The following CAST variants were observed in gnomAD, a reference collection of about 807,000 sequenced individuals.
CAST encodes the protein MIR583 host.
In CAST, 76 loss-of-function variants were observed where a neutral mutation model predicts 119.6. The ratio of observed to expected loss-of-function variants is 0.64; its 90% confidence interval spans 0.53 to 0.77. CAST has a LOEUF of 0.77. Among genes scored for constraint, CAST ranks in the 30% least tolerant of loss-of-function variants. The pLI, the probability that CAST is intolerant of heterozygous loss-of-function variation, is 0.00. For synonymous variants in CAST, 319 were observed against 331.6 expected, an observed-to-expected ratio of 0.96 and a Z score of 0.41; for missense variants, 953 against 946.5, an observed-to-expected ratio of 1.01 and a Z score of -0.09.
rs144319312 is a variant in CAST, at chr5:96,577,289, T to A, written c.60+47409T>A. On this transcript the variant is annotated intron_variant, in intron 1 of 11. Coordinates refer to the CAST transcript ENST00000505143. ...CTTTCTGCCTTTTCATTTTTGTTAG[T>A]CTTGGTGGAGGTTTATCAATTTTAT... Among the ~76,000 whole-genome samples the A allele has an allele frequency of 4.4e-3, 664 of 152,294 alleles. 5 individuals carry two copies. Among genetic ancestry groups the A allele is most frequent in the African/African-American group, 0.015 (618 of 41,564 alleles).
the CAST span, among the ~76,000 whole-genome samples, chr5:96,072,170 G>A: frequency 1.3e-5 from 2 of 152,140 alleles, no homozygotes; most frequent in African/African-American, 2.4e-5. Context: ...GGTGGGGTAT[G>A]GAGCATTATA....
chr5:96,536,228 A>G (rs868635067), intron 1 of CAST, among the ~76,000 whole-genome samples: 1 of 151,990 alleles, frequency 6.6e-6, no homozygotes, highest in Middle Eastern at 3.4e-3. Context: ...GCGTGGTGAG[A>G]GACGCCTGTA....
intron 1 of CAST, among the ~76,000 whole-genome samples, chr5:96,622,894 C>A (rs7725913): frequency 1.4e-5 from 1 of 72,756 alleles, no homozygotes; most frequent in Non-Finnish European, 2.4e-5. Context: ...GACGGAGTCT[C>A]GCTCTGTCGC....
chr5:95,998,653 T>A, the CAST span, among the ~76,000 whole-genome samples: 1 of 152,214 alleles, frequency 6.6e-6, no homozygotes, highest in Non-Finnish European at 1.5e-5. Context: ...TATCTAATCC[T>A]GTATTGATAA....
the CAST span, among the ~76,000 whole-genome samples, chr5:96,508,229 T>C: frequency 1.3e-5 from 2 of 152,218 alleles, no homozygotes; most frequent in East Asian, 3.9e-4. Flanking sequence ...GAACGGACTT[T>C]GGAGCAAGCC....
rs182413698 is a variant in CAST, at chr5:96,760,151, C to T, written c.1834-2123C>T. Among the ~76,000 whole-genome samples, 29 of 151,994 alleles carry T rather than the reference C, an allele frequency of 1.9e-4. 1 individual carries two copies. In the East Asian group the frequency reaches 4.4e-3, roughly 23 times the overall value. ...TTCTATGAGTAATTATGGTGCTAAT[C>T]TTAAAATCTGACAAATATAACGGTA... is the stretch of plus-strand genomic sequence containing the variant. On this transcript the variant is annotated intron_variant, in intron 24 of 31. Transcript: ENST00000675179.
the CAST span, among the ~76,000 whole-genome samples, chr5:96,254,878 T>A: frequency 6.6e-6 from 1 of 152,158 alleles, no homozygotes; most frequent in African/African-American, 2.4e-5. Context: ...TATCCAGAGC[T>A]GGAATTTTAT....
At chr5:96,740,818 A>G in intron 13 of CAST, 35 bp downstream of exon 13, 6 of 1,427,682 alleles carry the variant, frequency 4.2e-6, no homozygotes, top group Non-Finnish European at 5.9e-6. Context: ...ATCTAAATTA[A>G]TAGTTTTATA....
chr5:96,388,324 C>A, the CAST span, among the ~76,000 whole-genome samples: 1 of 152,214 alleles, frequency 6.6e-6, no homozygotes, highest in African/African-American at 2.4e-5. Flanking sequence ...GGCTCTGCTT[C>A]GTGCTATGAG....
chr5:96,503,535 T>C, the CAST span, among the ~76,000 whole-genome samples: 2 of 152,164 alleles, frequency 1.3e-5, no homozygotes, highest in Non-Finnish European at 2.9e-5. Context: ...CTCTTTGCTA[T>C]CCACAAAGTC....
At chr5:95,971,168 A>T in the CAST span, among the ~76,000 whole-genome samples, 3 of 152,178 alleles carry the variant, frequency 2.0e-5, no homozygotes, top group Non-Finnish European at 4.4e-5. Context: ...TTTCCTAAAT[A>T]GATTCTGACT....
At chr5:96,034,889 A>G in the CAST span, among the ~76,000 whole-genome samples, 3 of 151,354 alleles carry the variant, frequency 2.0e-5, no homozygotes, top group Non-Finnish European at 4.4e-5. Context: ...TGCCTGGCTT[A>G]ATACATACAT....
the CAST span, among the ~76,000 whole-genome samples, chr5:96,316,959 A>G: frequency 1.1e-4 from 17 of 151,720 alleles, no homozygotes; most frequent in Non-Finnish European, 1.9e-4. Context: ...GGAATGTTGA[A>G]CTGGGAATGG....
chr5:96,614,967 T>C (rs1747426927), intron 1 of CAST, among the ~76,000 whole-genome samples: 2 of 152,196 alleles, frequency 1.3e-5, no homozygotes, highest in African/African-American at 4.8e-5. Context: ...TAGCCTAGTA[T>C]AGGCAGCCCC....
At chr5:96,143,738 G>T in the CAST span, among the ~76,000 whole-genome samples, 1 of 152,156 alleles carries the variant, frequency 6.6e-6, no homozygotes, top group Non-Finnish European at 1.5e-5. Flanking sequence ...GTAAAAAAAA[G>T]TTCCCTTACA....
At chr5:96,667,577 T>C (rs1663868246) in intron 1 of CAST, among the ~76,000 whole-genome samples, 1 of 152,176 alleles carries the variant, frequency 6.6e-6, no homozygotes, top group Non-Finnish European at 1.5e-5. Flanking sequence ...ACCTTTACAG[T>C]GTCATCTTGT....
At chr5:96,362,838 A>G in the CAST span, among the ~76,000 whole-genome samples, 2 of 151,906 alleles carry the variant, frequency 1.3e-5, no homozygotes, top group African/African-American at 4.8e-5. Context: ...CTTTAGTTTA[A>G]TTAGATCCCA....
At chr5:96,343,532 A>G in the CAST span, among the ~76,000 whole-genome samples, 1 of 152,176 alleles carries the variant, frequency 6.6e-6, no homozygotes, top group African/African-American at 2.4e-5. Flanking sequence ...TATGTGCTTT[A>G]CAGGGCTTGC....
chr5:96,548,580 C>T (rs1487885602), intron 1 of CAST, among the ~76,000 whole-genome samples: 5 of 152,016 alleles, frequency 3.3e-5, no homozygotes, highest in Admixed American at 1.3e-4. Flanking sequence ...GCCTCTGCTA[C>T]GCTGGGTGTC....
Sources: allele counts gnomAD v4.1 joint callset (sites outside exome capture counted in the v4.1 genomes callset), GRCh38; gene constraint gnomAD v4.1.1; transcripts MANE v1.5; gene names NCBI Gene and HGNC (gene_info 2026-07-23, HGNC 2026-07-21).